The following USP1 variants were observed in gnomAD, a reference collection of about 807,000 sequenced individuals.
USP1 encodes the protein ubiquitin carboxyl-terminal hydrolase 1.
A neutral mutation model predicts 72.2 loss-of-function variants in USP1; 18 were observed. The observed-to-expected ratio is 0.25, with a 90% CI of 0.17 to 0.37. USP1 has a LOEUF of 0.37. USP1 is among the 10% of genes least tolerant of loss of function. USP1 has a pLI of 1.00. For synonymous variants in USP1, 354 were observed against 303.7 expected (o/e 1.17, Z -1.72); for missense variants, 759 against 884.9 (o/e 0.86, Z 1.81).
At chr1:62,450,184 G>GGT in intron 8 of USP1, 62 bp from the exon 9 acceptor site, 3 of 1,539,756 alleles carry the variant, frequency 1.9e-6, no homozygotes, top group Non-Finnish European at 1.7e-6. Context: ...TTCAGATTGG[G>GGT]GTATAACATT....
At chr1:62,441,448 T>A (rs777007514) in intron 2 of USP1, 40 bp from the exon 3 acceptor site, 7 of 1,525,046 alleles carry the variant, frequency 4.6e-6, no homozygotes, top group Non-Finnish European at 5.3e-6. Flanking sequence ...CTTGTTTCTT[T>A]AAGATAACTA....
At position 62,450,776 on chromosome 1, in the gene USP1, C is replaced by T; in HGVS notation, c.2153C>T (p.Ser718Phe). The T allele has an allele frequency of 6.2e-7, 1 of 1,613,756 alleles. No individual in the cohort carries two copies. The highest frequency in any genetic ancestry group is 8.5e-7 in the Non-Finnish European group (1 of 1,179,910). ...GTHESDRNKE[S>F]SDQTGINISG... ...CATGAATCTGATAGAAACAAGGAAT[C>T]CAGTGACCAAACAGGCATTAATATT... The change falls in exon 9 of 9, where the codon TCC becomes TTC. Residue 718 changes from serine (S) to phenylalanine (F), a missense_variant. Ser to Phe is a radical substitution (Grantham distance 155, BLOSUM62 -2). Transcript: ENST00000339950.
chr1:62,444,470 A>G (rs1016404953), intron 5 of USP1, among the ~76,000 whole-genome samples: 3 of 152,126 alleles, frequency 2.0e-5, no homozygotes, highest in African/African-American at 4.8e-5. Context: ...AAACATTTTG[A>G]CTAAAACCTG....
intron 8 of USP1, 143 bp downstream of exon 8, chr1:62,448,809 T>A (rs995957625): frequency 8.6e-6 from 7 of 817,490 alleles, no homozygotes; most frequent in African/African-American, 3.5e-5. Flanking sequence ...TTTGTTCTTA[T>A]TAACAGTTTC....
chr1:62,450,666 C>T lies in USP1; in HGVS notation c.2043C>T (p.Tyr681=), dbSNP rs2149208681. Residue 681 remains tyrosine, a synonymous_variant, in exon 9 of 9, where the codon TAC becomes TAT. Coordinates refer to ENST00000339950, the MANE Select transcript of USP1 (RefSeq NM_003368.5). ...AGAGCAAAGCAGATTATGAGCTATACAACAAAGCCTCTAATCCTGATAAGG... is the reference window on the plus strand; with the variant it reads ...AGAGCAAAGCAGATTATGAGCTATATAACAAAGCCTCTAATCCTGATAAGG... The part of the protein sequence containing the change: ...GQKSKADYEL[Y]NKASNPDKVA... The T allele has an allele frequency of 3.1e-6, 5 of 1,614,114 alleles. No homozygotes were observed. The highest frequency in any genetic ancestry group is 4.2e-6 in the Non-Finnish European group (5 of 1,180,000).
In USP1 at chr1:62,448,550, T is replaced by C. The variant is rs779657462; in HGVS notation, c.1506T>C (p.Asp502=). The C allele has an allele frequency of 6.2e-7, 1 of 1,613,942 alleles. No individual in the cohort carries two copies. ...FASVERIVGE[D]KYFCENCHHY... is the part of the protein sequence containing the mutation. ...CAGTAGAAAGGATTGTAGGAGAAGA[T>C]AAATATTTCTGTGAAAACTGCCATC... The change falls in exon 8 of 9, where the codon GAT becomes GAC. Residue 502 remains aspartate, a synonymous_variant. Transcript: ENST00000339950.
intron 4 of USP1, 95 bp downstream of exon 4, chr1:62,442,394 T>G: frequency 1.2e-6 from 1 of 839,298 alleles, no homozygotes; most frequent in South Asian, 1.8e-5. Flanking sequence ...GGGGGGTGGA[T>G]GACAAAGATT....
At chr1:62,439,034 C>G (rs1264789731) in intron 1 of USP1, among the ~76,000 whole-genome samples, 3 of 152,108 alleles carry the variant, frequency 2.0e-5, no homozygotes, top group Non-Finnish European at 2.9e-5. Context: ...TTTCATATAT[C>G]CATGTTAATA....
upstream of USP1, chr1:62,436,502 T>G (rs1300148312): frequency 2.0e-5 from 3 of 152,172 alleles, no homozygotes; most frequent in Admixed American, 6.5e-5. Flanking sequence ...AGCCCACCTT[T>G]CTTCTTTTTT....
At position 62,447,438 on chromosome 1, in the gene USP1, A is replaced by G. The variant is rs745378976; in HGVS notation, c.1347A>G (p.Arg449=). The change falls in exon 7 of 9, where the codon AGA becomes AGG. Residue 449 remains arginine, a synonymous_variant. Coordinates refer to ENST00000339950, the MANE Select transcript of USP1 (RefSeq NM_003368.5). The part of the protein sequence containing the change: ...RCLECESLTE[R]REDFQDISVP... ...TGGAATGTGAAAGTTTAACAGAAAG[A>G]AGAGAAGATTTTCAAGACATCAGTG... is the stretch of plus-strand genomic sequence containing the variant. 6.2e-7 allele frequency: 1 copy of G among 1,614,174 alleles called. No individual in the cohort carries two copies. Among genetic ancestry groups the G allele is most frequent in the Admixed American group, 1.7e-5 (1 of 60,022 alleles).
chr1:62,450,832 G>GTGC lies in USP1; in HGVS notation c.2210_2212dup (p.Val737_Gln738insLeu). The GTGC allele has an allele frequency of 6.2e-7, 1 of 1,614,064 alleles. No homozygotes were observed. The highest frequency in any genetic ancestry group is 1.1e-5 in the South Asian group (1 of 91,062). On this transcript the variant is annotated inframe_insertion, in exon 9 of 9. Coordinates refer to ENST00000339950, the MANE Select transcript of USP1 (RefSeq NM_003368.5). ...ATTTGAGAACAAAATTTCATACGTA[G>GTGC]TGCAAAGCTTAAAGGAGTATGAGGG...
At chr1:62,447,767 GTCTT>G (rs909887189) in intron 7 of USP1, among the ~76,000 whole-genome samples, 7 of 152,080 alleles carry the variant, frequency 4.6e-5, no homozygotes, top group Admixed American at 6.6e-5. Context: ...GGGAACCTGA[GTCTT>G]TCAGAGCTAC....
In USP1 at chr1:62,444,743, T is replaced by G. The variant is rs368000784; in HGVS notation, c.563T>G (p.Leu188Arg). The change falls in exon 6 of 9, where the codon CTC (leucine) becomes CGC (arginine). Residue 188 changes from leucine to arginine, a missense_variant. Transcript: ENST00000339950. ...PRRLLNTLRE[L>R]NPMYEGYLQH... ...ATGGAAATTTTTATTTATAGGGAAC[T>G]CAACCCTATGTATGAAGGATATCTA... 125 of 1,563,684 alleles carry G rather than the reference T, an allele frequency of 8.0e-5. No individual in the cohort carries two copies. Among genetic ancestry groups the G allele is most frequent in the Non-Finnish European group, 1.0e-4 (122 of 1,162,858 alleles).
chr1:62,445,816 T>C (rs1387219605), intron 6 of USP1, among the ~76,000 whole-genome samples: 1 of 152,070 alleles, frequency 6.6e-6, no homozygotes, highest in Non-Finnish European at 1.5e-5. Flanking sequence ...CCGTCTCTAC[T>C]AAAAATGCAA....
intron 7 of USP1, 70 bp downstream of exon 7, chr1:62,447,581 ATAG>A: frequency 6.6e-7 from 1 of 1,516,740 alleles, no homozygotes; most frequent in Admixed American, 2.2e-5. Flanking sequence ...ACAAAGTTTA[ATAG>A]TAGCTGGTGT....
At chr1:62,449,977 TAACTG>T (rs1036426613) in intron 8 of USP1, among the ~76,000 whole-genome samples, 2 of 152,128 alleles carry the variant, frequency 1.3e-5, no homozygotes, top group Non-Finnish European at 2.9e-5. Context: ...TTTATTTTCT[TAACTG>T]CACAAAATTA....
chr1:62,443,868 C>G (rs575030697), intron 5 of USP1, among the ~76,000 whole-genome samples: 13 of 152,202 alleles, frequency 8.5e-5, no homozygotes, highest in South Asian at 4.2e-4. Context: ...TATAAAATAG[C>G]CTTATTCAAA....
rs756128170 is a variant in USP1, at chr1:62,443,190, A to G, written c.428A>G (p.Tyr143Cys). The G allele has an allele frequency of 8.7e-6, 14 of 1,611,384 alleles. No individual in the cohort carries two copies. The highest frequency in any genetic ancestry group is 3.4e-5 in the Admixed American group (2 of 59,260). Residue 143 changes from tyrosine to cysteine, a missense_variant, in exon 5 of 9, where the codon TAT becomes TGT. Tyr to Cys is a radical substitution (Grantham distance 194). This residue lies in a region of USP1 where 71 missense variants were observed against 71.0 expected (regional missense o/e 1.00). Coordinates refer to ENST00000339950, the MANE Select transcript of USP1 (RefSeq NM_003368.5). ...TGCAAAGAAGATTCTTTGGCAAGTT[A>G]TGAATTGATATGCAGTTTACAGTCC... ...GNCKEDSLAS[Y>C]ELICSLQSLI...
chr1:62,447,835 G>A (rs903753134), intron 7 of USP1, among the ~76,000 whole-genome samples: 3 of 152,114 alleles, frequency 2.0e-5, no homozygotes, highest in African/African-American at 7.2e-5. Context: ...TGCCCAGGCT[G>A]GAGTGCAGTG....
Sources: gnomAD v4.1 joint callset for allele counts (sites outside exome capture counted in the v4.1 genomes callset) on GRCh38, gnomAD v4.1.1 for gene constraint, gnomAD v4.1.1 regional missense constraint, MANE v1.5 for transcripts, NCBI Gene and HGNC (gene_info 2026-07-23, HGNC 2026-07-21) for gene names.